RNF217: variants seen among roughly 807,000 people sequenced by gnomAD.
RNF217 encodes the protein E3 ubiquitin-protein ligase RNF217.
RNF217 carries 31 observed loss-of-function variants against 57.8 expected under a neutral mutation model. The ratio of observed to expected loss-of-function variants is 0.54; its 90% CI spans 0.40 to 0.72. The LOEUF (loss-of-function observed/expected upper bound fraction) is 0.72. Ranked by LOEUF, RNF217 falls within the 30% of genes least tolerant of loss-of-function variation. The pLI, the probability that RNF217 is intolerant of heterozygous loss-of-function variation, is 0.00. For missense variants in RNF217, 696 were observed against 708.3 expected (o/e 0.98, Z 0.20); for synonymous variants, 313 against 294.0 (o/e 1.06, Z -0.66).
At chr6:125,082,730 A>G in intron 5 of RNF217, 134 bp from the exon 6 acceptor site, 1 of 1,194,140 alleles carries the variant, frequency 8.4e-7, no homozygotes, top group South Asian at 1.3e-5. Flanking sequence ...TTGAAGAAGT[A>G]AATACATTTC....
chr6:125,053,920 A>G (rs952784301), intron 2 of RNF217, among the ~76,000 whole-genome samples: 1 of 152,136 alleles, frequency 6.6e-6, no homozygotes, highest in African/African-American at 2.4e-5. Flanking sequence ...CATTAGGACA[A>G]TGTATTTAGT....
At chr6:124,967,188 C>T (rs770041913) in intron 1 of RNF217, among the ~76,000 whole-genome samples, 3 of 152,130 alleles carry the variant, frequency 2.0e-5, no homozygotes, top group Non-Finnish European at 2.9e-5. Flanking sequence ...CCTGTGTATG[C>T]GTGTGTGAAT....
chr6:124,979,484 G>T (rs1784080232), intron 1 of RNF217, among the ~76,000 whole-genome samples: 2 of 152,142 alleles, frequency 1.3e-5, no homozygotes, highest in Admixed American at 1.3e-4. Flanking sequence ...GCAAGAGTCA[G>T]CAGAACAAAG....
chr6:125,028,383 T>C (rs1786202074), intron 1 of RNF217, among the ~76,000 whole-genome samples: 1 of 152,168 alleles, frequency 6.6e-6, no homozygotes. Context: ...GAGAAATGTC[T>C]ATTCAAATCT....
Position 125,088,988 on chromosome 6 carries a change from C to T in RNF217, c.*6051C>T, listed in dbSNP as rs1788857966. The T allele has an allele frequency of 1.3e-5, 2 of 152,594 alleles. No homozygotes were observed. Among genetic ancestry groups the T allele is most frequent in the Admixed American group, 6.5e-5 (1 of 15,278 alleles). 9.5% of individuals were successfully genotyped at this position (152,594 alleles called of 1,614,324 possible). ...TGGCCAAGTGTGGGATAAATTCTGT[C>T]TCGCCCGTAACTCCTTTCACTGTAA... On this transcript the variant is annotated 3_prime_UTR_variant, in exon 6 of 6. Transcript: ENST00000521654.
chr6:125,012,268 C>T (rs1353041758), intron 1 of RNF217, among the ~76,000 whole-genome samples: 1 of 152,028 alleles, frequency 6.6e-6, no homozygotes, highest in East Asian at 1.9e-4. Flanking sequence ...CTGGTAAGCA[C>T]AACAGAATGA....
At chr6:124,993,775 A>AGGAGTT (rs1784649396) in intron 1 of RNF217, among the ~76,000 whole-genome samples, 1 of 152,180 alleles carries the variant, frequency 6.6e-6, no homozygotes, top group African/African-American at 2.4e-5. Flanking sequence ...AAGGGTAAGT[A>AGGAGTT]GGAGTTAGCC....
intron 1 of RNF217, among the ~76,000 whole-genome samples, chr6:124,981,226 T>C (rs1330526119): frequency 2.6e-5 from 4 of 152,252 alleles, no homozygotes; most frequent in Non-Finnish European, 5.9e-5. Context: ...TTGTAATATC[T>C]CATTAAATTA....
chr6:125,068,366 T>C (rs1788014071), intron 3 of RNF217, among the ~76,000 whole-genome samples: 1 of 152,204 alleles, frequency 6.6e-6, no homozygotes, highest in South Asian at 2.1e-4. Flanking sequence ...GAACTGCTAC[T>C]TGTCCTTCAT....
At chr6:125,080,325 A>G (rs935077648) in intron 4 of RNF217, among the ~76,000 whole-genome samples, 3 of 152,152 alleles carry the variant, frequency 2.0e-5, no homozygotes, top group Non-Finnish European at 4.4e-5. Context: ...TAAATTAGAT[A>G]TTTAAAACAG....
At chr6:124,997,590 C>T (rs949799511) in intron 1 of RNF217, among the ~76,000 whole-genome samples, 1 of 152,248 alleles carries the variant, frequency 6.6e-6, no homozygotes, top group East Asian at 1.9e-4. Flanking sequence ...GGGTCTTAAC[C>T]AATTACAGTT....
chr6:125,033,334 T>C (rs1345612341), intron 1 of RNF217, among the ~76,000 whole-genome samples: 1 of 117,442 alleles, frequency 8.5e-6, no homozygotes, highest in East Asian at 2.9e-4. Context: ...CCTAATGCTA[T>C]CCCTCCCCCC....
At chr6:125,069,656 A>G (rs1209436314) in intron 3 of RNF217, among the ~76,000 whole-genome samples, 1 of 152,186 alleles carries the variant, frequency 6.6e-6, no homozygotes, top group African/African-American at 2.4e-5. Context: ...TTTTGGGTAT[A>G]TCCCCAGTAA....
At chr6:125,031,382 T>G (rs1786351939) in intron 1 of RNF217, among the ~76,000 whole-genome samples, 1 of 152,230 alleles carries the variant, frequency 6.6e-6, no homozygotes, top group South Asian at 2.1e-4. Flanking sequence ...TTCTATCACA[T>G]TGTCAGGCTT....
At chr6:125,033,913 T>A (rs1350494981) in intron 1 of RNF217, among the ~76,000 whole-genome samples, 6 of 152,062 alleles carry the variant, frequency 3.9e-5, no homozygotes, top group Non-Finnish European at 8.8e-5. Flanking sequence ...GGTATCTCAT[T>A]GTGGTTTTGA....
Position 124,962,582 on chromosome 6 carries a change from G to A in RNF217, c.38G>A (p.Gly13Glu), listed in dbSNP as rs977614024. The change falls in exon 1 of 6, where the codon GGG (glycine) becomes GAG (glutamate). Residue 13 changes from glycine to glutamate, a missense_variant. This residue lies in a region of RNF217 where 465 missense variants were observed against 386.8 expected (regional missense o/e 1.20). Transcript: ENST00000521654. This position sits in a 1 kb window ranked among gnomAD's most constrained non-coding sequence, Gnocchi z 4.6. ...CAGAGCACGGTGAGCGGCGGCGGCG[G>A]GCCCCAGGAGTCGCAGACCCTGGCC... ...EEQSTVSGGG[G>E]PQESQTLASG... 3 of 1,274,034 alleles carry A rather than the reference G, an allele frequency of 2.4e-6. No individual in the cohort carries two copies. The Admixed American group carries it at 1.2e-4, about 50-fold the overall frequency. 78.9% of individuals were successfully genotyped at this position (1,274,034 alleles called of 1,614,324 possible).
At chr6:125,006,263 A>G (rs1785175810) in intron 1 of RNF217, 1 of 152,222 alleles carries the variant, frequency 6.6e-6, no homozygotes, top group Non-Finnish European at 1.5e-5. Flanking sequence ...AGTTTCCAAA[A>G]TTCACATTAT....
chr6:124,994,103 T>A lies in RNF217; in HGVS notation c.882+30677T>A, dbSNP rs573086346. Among the ~76,000 whole-genome samples, 3 of 152,042 alleles carry A rather than the reference T, an allele frequency of 2.0e-5. No individual in the cohort carries two copies. In the South Asian group the frequency reaches 6.2e-4, roughly 32 times the overall value. ...AGGAAAAAGCAAGTTTAGAAGAAAATGGAATTTTAAAATATTAGCCTAGAG... is the reference window on the plus strand; with the variant it reads ...AGGAAAAAGCAAGTTTAGAAGAAAAAGGAATTTTAAAATATTAGCCTAGAG... On this transcript the variant is annotated intron_variant, in intron 1 of 5. Coordinates refer to ENST00000521654, the MANE Select transcript of RNF217 (RefSeq NM_001286398.3).
intron 1 of RNF217, among the ~76,000 whole-genome samples, chr6:125,023,190 A>G (rs1208022662): frequency 6.6e-6 from 1 of 152,172 alleles, no homozygotes; most frequent in African/African-American, 2.4e-5. Context: ...GTCTGAGGTA[A>G]GACCTGAAGG....
Sources: allele counts gnomAD v4.1 joint callset (sites outside exome capture counted in the v4.1 genomes callset), GRCh38; gene constraint gnomAD v4.1.1; regional missense constraint gnomAD v4.1.1; non-coding constraint Gnocchi (gnomAD v3.1); transcripts MANE v1.5; gene names NCBI Gene and HGNC (gene_info 2026-07-23, HGNC 2026-07-21).